The following SLC13A3 variants were observed in gnomAD, a reference collection of about 807,000 sequenced individuals.
SLC13A3 encodes solute carrier family 13 member 3, also known as Na(+)/dicarboxylate cotransporter 3.
SLC13A3 carries 40 observed loss-of-function variants against 59.0 expected under a neutral mutation model. The observed-to-expected ratio is 0.68, with a 90% CI of 0.53 to 0.88. The LOEUF is 0.88. Among genes scored for constraint, SLC13A3 ranks in the 40% least tolerant of loss-of-function variants. The pLI is 0.00. For missense variants in SLC13A3, 699 were observed against 783.2 expected, an observed-to-expected ratio of 0.89 and a Z score of 1.28; for synonymous variants, 317 against 330.3, an observed-to-expected ratio of 0.96 and a Z score of 0.44.
Position 46,666,982 on chromosome 20 carries a change from G to A in SLC13A3, c.-31+3061C>T, listed in dbSNP as rs183100297. 2.7e-3 allele frequency among the ~76,000 whole-genome samples: 412 copies of A among 152,080 alleles called. 1 individual carries two copies. Among genetic ancestry groups the A allele is most frequent in the Non-Finnish European group, 1.4e-3 (97 of 67,994 alleles). On this transcript the variant is annotated intron_variant, in intron 1 of 12. Transcript: ENST00000290317. ...ATTTGAGGCCAAAATCTGAAATTTG[G>A]GAGACTACGAGATAGCAAGAGAAAG... is the stretch of plus-strand genomic sequence containing the variant.
intron 10 of SLC13A3, among the ~76,000 whole-genome samples, chr20:46,574,035 C>T (rs2062051333): frequency 6.6e-6 from 1 of 152,210 alleles, no homozygotes; most frequent in South Asian, 2.1e-4. Flanking sequence ...GCTTCAGATC[C>T]TGGCTCTACC....
intron 1 of SLC13A3, among the ~76,000 whole-genome samples, chr20:46,622,717 T>G (rs1006953803): frequency 1.3e-5 from 2 of 151,504 alleles, no homozygotes; most frequent in African/African-American, 4.9e-5. Context: ...GAAGGCAATA[T>G]AGCTTCCCTG....
At chr20:46,636,186 C>T (rs1338358703) in intron 1 of SLC13A3, among the ~76,000 whole-genome samples, 1 of 152,184 alleles carries the variant, frequency 6.6e-6, no homozygotes, top group Non-Finnish European at 1.5e-5. Flanking sequence ...TGGACTCACC[C>T]CGAATCCTTA....
At chr20:46,564,732 G>C (rs2061964841) in intron 11 of SLC13A3, among the ~76,000 whole-genome samples, 2 of 152,182 alleles carry the variant, frequency 1.3e-5, no homozygotes, top group South Asian at 4.1e-4. Flanking sequence ...CTCAGTCACA[G>C]GAATTTCTCT....
intron 1 of SLC13A3, among the ~76,000 whole-genome samples, chr20:46,632,975 GTATCTATCATCTATC>G (rs541760403): frequency 1.4e-4 from 19 of 137,052 alleles, no homozygotes; most frequent in African/African-American, 1.9e-4. Context: ...ATCTGTTTAT[GTATCTATCATCTATC>G]TATCTATCAT....
chr20:46,592,199 A>T (rs2062265619), intron 6 of SLC13A3, among the ~76,000 whole-genome samples: 2 of 152,156 alleles, frequency 1.3e-5, no homozygotes, highest in Admixed American at 6.5e-5. Flanking sequence ...GCAGCAGAGC[A>T]AGACCCTGTC....
chr20:46,585,351 T>G, intron 8 of SLC13A3: 1 of 1,000,750 alleles, frequency 1.0e-6, no homozygotes, highest in Non-Finnish European at 1.2e-6. Flanking sequence ...CACTAACTTT[T>G]CCTTTTTCAA....
At position 46,659,719 on chromosome 20, in the gene SLC13A3, C is replaced by T. The variant is rs573085130; in HGVS notation, c.-31+10324G>A. ...TGACAGAGTGAGACCCTATCCCCCC[C>T]CCCCAAAAAAAAAAAGAAAAAACAA... On this transcript the variant is annotated intron_variant, in intron 1 of 12. Transcript: ENST00000290317. 3.0e-3 allele frequency among the ~76,000 whole-genome samples: 444 copies of T among 148,728 alleles called. 4 individuals carry two copies. The highest frequency in any genetic ancestry group is 0.011 in the African/African-American group (426 of 40,050).
At chr20:46,658,538 A>G (rs1273235851) in intron 1 of SLC13A3, among the ~76,000 whole-genome samples, 3 of 152,224 alleles carry the variant, frequency 2.0e-5, no homozygotes, top group African/African-American at 7.2e-5. Flanking sequence ...CATTGAGGTC[A>G]GGTGTGGTGG....
chr20:46,588,145 A>T lies in SLC13A3; in HGVS notation c.1035T>A (p.Val345=), dbSNP rs35393013. 0.017 allele frequency: 28,100 copies of T among 1,611,568 alleles called. 298 individuals carry two copies. Among genetic ancestry groups the T allele is most frequent in the Non-Finnish European group, 0.021 (24,774 of 1,178,372 alleles). The part of the protein sequence containing the change: ...LGPIKFAEQA[V]FILFCMFAIL... ...TGGCAAACATGCAGAAAAGGATGAA[A>T]ACAGCCTGTTCGGCAAACCTGTGGC... Residue 345 remains valine, a synonymous_variant, in exon 8 of 13, where the codon GTT becomes GTA. Transcript: ENST00000279027.
In SLC13A3 at chr20:46,583,745, G is replaced by A. The variant is rs113225984; in HGVS notation, c.1122-76C>T. The A allele has an allele frequency of 1.7e-3, 2,745 of 1,580,696 alleles. 41 individuals carry two copies. In the African/African-American group the frequency reaches 0.031, roughly 18 times the overall value. On this transcript the variant is annotated intron_variant, in intron 8 of 12. Transcript: ENST00000279027. ...GAGGTTTGGCAGAATTGTAAAGGAG[G>A]ATTTGTGGAAGGGAATTAGGCCTGC...
At chr20:46,612,585 C>T (rs926685508) in intron 2 of SLC13A3, among the ~76,000 whole-genome samples, 6 of 145,070 alleles carry the variant, frequency 4.1e-5, no homozygotes, top group Admixed American at 3.5e-4. Flanking sequence ...CCTACCTGTA[C>T]CAGGGCACAG....
intron 9 of SLC13A3, among the ~76,000 whole-genome samples, chr20:46,578,010 AT>A (rs982532347): frequency 5.9e-5 from 9 of 151,444 alleles, no homozygotes; most frequent in African/African-American, 2.2e-4. Context: ...TTATTTATTT[AT>A]TTTTTTTGAG....
upstream of SLC13A3, among the ~76,000 whole-genome samples, chr20:46,652,829 T>C (rs1204245086): frequency 6.6e-6 from 1 of 152,246 alleles, no homozygotes; most frequent in Non-Finnish European, 1.5e-5. Context: ...ACTGTCAACC[T>C]GTCTTCCAAA....
chr20:46,592,408 A>G lies in SLC13A3; in HGVS notation c.916T>C (p.Phe306Leu). 1.2e-6 allele frequency: 2 copies of G among 1,613,922 alleles called. No homozygotes were observed. The highest frequency in any genetic ancestry group is 1.7e-6 in the Non-Finnish European group (2 of 1,179,878). ...WISFLYGGLS[F>L]RGWRKNKSEI... Reference sequence around the variant, plus strand: ...CAAAAAGAAAATGAGAGGTACCTGAAGCTCAGTCCCCCGTACAGGAAGGAG... The same window carrying G: ...CAAAAAGAAAATGAGAGGTACCTGAGGCTCAGTCCCCCGTACAGGAAGGAG... Residue 306 changes from phenylalanine to leucine, a missense_variant, in exon 6 of 13, where the codon TTC becomes CTC. Transcript: ENST00000279027.
intron 3 of SLC13A3, among the ~76,000 whole-genome samples, chr20:46,601,874 C>T (rs1263974239): frequency 6.6e-6 from 1 of 151,840 alleles, no homozygotes; most frequent in African/African-American, 2.4e-5. Flanking sequence ...TAAGAGGAGG[C>T]AAGGTAAGAG....
At chr20:46,560,232 C>A in intron 12 of SLC13A3, 34 bp from the exon 13 acceptor site, 2 of 1,586,888 alleles carry the variant, frequency 1.3e-6, no homozygotes, top group South Asian at 1.1e-5. Context: ...GAGGGGTCAG[C>A]ACCTGACCCA....
At chr20:46,676,455 G>A (rs1248388709) in intron 1 of SLC13A3, among the ~76,000 whole-genome samples, 5 of 130,510 alleles carry the variant, frequency 3.8e-5, no homozygotes, top group East Asian at 2.2e-4. Context: ...AGGTTTCACC[G>A]TGTTGCCCAG....
chr20:46,656,432 T>C (rs1300207106), upstream of SLC13A3, among the ~76,000 whole-genome samples: 1 of 49,392 alleles, frequency 2.0e-5, no homozygotes, highest in African/African-American at 8.2e-5. Context: ...TATGATATAC[T>C]ATACAGTATA....
Sources: allele counts gnomAD v4.1 joint callset (sites outside exome capture counted in the v4.1 genomes callset), GRCh38; gene constraint gnomAD v4.1.1; transcripts MANE v1.5; gene names NCBI Gene and HGNC (gene_info 2026-07-23, HGNC 2026-07-21).